Variants in RDM1 observed in about 807,000 individuals in gnomAD.
The protein encoded by RDM1 is RAD52 motif containing 1.
RDM1 carries 28 observed loss-of-function variants against 27.7 expected under a neutral mutation model. That is an observed-to-expected ratio of 1.01 (90% CI 0.75 to 1.39). The LOEUF (loss-of-function observed/expected upper bound fraction) is 1.39, where lower values mean the gene tolerates loss of function less well. Among genes scored for constraint, RDM1 ranks in the 40% most tolerant of loss-of-function variants. RDM1 has a pLI of 0.00. For missense variants in RDM1, 277 were observed against 337.3 expected (o/e 0.82, Z 1.40); for synonymous variants, 124 against 127.5 (o/e 0.97, Z 0.19).
chr17:35,925,925 G>A (rs1369627782), intron 2 of RDM1, among the ~76,000 whole-genome samples: 1 of 152,072 alleles, frequency 6.6e-6, no homozygotes, highest in African/African-American at 2.4e-5. Flanking sequence ...ACAAAGTCAG[G>A]ATATCGAGAC....
At chr17:35,922,219 C>A (rs1388657469) in intron 5 of RDM1, 1 of 193,060 alleles carries the variant, frequency 5.2e-6, no homozygotes, top group Non-Finnish European at 1.0e-5. Flanking sequence ...CCGCGCCCGG[C>A]CTAATTGCAT....
At position 35,925,504 on chromosome 17, in the gene RDM1, A is replaced by G. The variant is rs2089112382; in HGVS notation, c.399+11T>C. On this transcript the variant is annotated intron_variant, in intron 3 of 6. Transcript: ENST00000620284. ...GAGTGTGGTAAGTGAAAAAAAATCT[A>G]CAAGGTTTACCTTGATGATCCTTTT... 2 of 1,611,976 alleles carry G rather than the reference A, an allele frequency of 1.2e-6. No homozygotes were observed. The highest frequency in any genetic ancestry group is 3.3e-5 in the Admixed American group (2 of 59,836).
chr17:35,930,108 G>T lies in RDM1; in HGVS notation c.244C>A (p.Arg82=), dbSNP rs749830238. 1.2e-6 allele frequency: 2 copies of T among 1,613,932 alleles called. No individual in the cohort carries two copies. Among genetic ancestry groups the T allele is most frequent in the Non-Finnish European group, 1.7e-6 (2 of 1,179,918 alleles). ...AAHRAQKACD[R]KQLFQKSPVK... ...GGAGATTTCTGAAAAAGCTGCTTCC[G>T]GTCGCATGCCTTTTGGGCTCTGTGG... The change falls in exon 2 of 7, where the codon CGG becomes AGG. Residue 82 remains arginine (R), a synonymous_variant. Coordinates refer to ENST00000620284, the MANE Select transcript of RDM1 (RefSeq NM_145654.4).
intron 2 of RDM1, 80 bp from the exon 3 acceptor site, chr17:35,925,717 C>A: frequency 1.4e-6 from 2 of 1,476,418 alleles, no homozygotes; most frequent in South Asian, 1.3e-5. Context: ...TTTGTCAATA[C>A]CAAGTGTGCA....
At chr17:35,921,983 C>T (rs985456870) in intron 5 of RDM1, among the ~76,000 whole-genome samples, 44 of 147,492 alleles carry the variant, frequency 3.0e-4, no homozygotes, top group Non-Finnish European at 5.6e-4. Context: ...AGCAGTGGCA[C>T]GATCTTGGCT....
intron 3 of RDM1, among the ~76,000 whole-genome samples, 199 bp downstream of exon 3, chr17:35,925,316 A>T (rs551262559): frequency 1.3e-5 from 2 of 152,226 alleles, no homozygotes; most frequent in Non-Finnish European, 2.9e-5. Context: ...CAGTGGAGAA[A>T]ATTACGGATA....
At position 35,930,115 on chromosome 17, in the gene RDM1, T is replaced by C. The variant is rs200052108; in HGVS notation, c.237A>G (p.Ala79=). 2.6e-5 allele frequency: 42 copies of C among 1,614,142 alleles called. No individual in the cohort carries two copies. The East Asian group carries it at 9.1e-4, about 35-fold the overall frequency. ...SARAAHRAQK[A]CDRKQLFQKS... ...TCTGAAAAAGCTGCTTCCGGTCGCA[T>C]GCCTTTTGGGCTCTGTGGGCAGCCC... is the stretch of plus-strand genomic sequence containing the variant. The change falls in exon 2 of 7, where the codon GCA becomes GCG. Residue 79 remains alanine (A), a synonymous_variant. Coordinates refer to ENST00000620284, the MANE Select transcript of RDM1 (RefSeq NM_145654.4).
intron 2 of RDM1, among the ~76,000 whole-genome samples, chr17:35,928,817 T>G (rs2089235340): frequency 1.3e-5 from 2 of 151,230 alleles, no homozygotes; most frequent in South Asian, 4.2e-4. Context: ...GGCTCACACC[T>G]GTAGTCCCAG....
chr17:35,920,785 A>G (rs150666551), intron 5 of RDM1, among the ~76,000 whole-genome samples: 1 of 152,280 alleles, frequency 6.6e-6, no homozygotes, highest in East Asian at 1.9e-4. Context: ...TATGTATGAA[A>G]TATCAACCAT....
chr17:35,924,268 G>A (rs2089054769), intron 4 of RDM1, among the ~76,000 whole-genome samples: 1 of 151,306 alleles, frequency 6.6e-6, no homozygotes, highest in South Asian at 2.1e-4. Flanking sequence ...GGTTTTGCTG[G>A]GATAACCGAG....
chr17:35,923,443 G>T (rs1420310187), intron 4 of RDM1, among the ~76,000 whole-genome samples: 1 of 151,666 alleles, frequency 6.6e-6, no homozygotes, highest in African/African-American at 2.4e-5. Flanking sequence ...ATCACTTGAG[G>T]TCAGGAGTTT....
intron 2 of RDM1, among the ~76,000 whole-genome samples, chr17:35,927,322 C>G (rs1204101678): frequency 6.6e-6 from 1 of 151,990 alleles, no homozygotes; most frequent in Non-Finnish European, 1.5e-5. Flanking sequence ...CGCCTGTAAT[C>G]CCAGCTGCTC....
intron 2 of RDM1, among the ~76,000 whole-genome samples, chr17:35,927,773 C>G (rs1170552824): frequency 1.3e-5 from 2 of 151,986 alleles, no homozygotes; most frequent in Non-Finnish European, 2.9e-5. Context: ...GTGAAATTCT[C>G]AAAACCTAAA....
chr17:35,919,862 G>C (rs1237205772), intron 6 of RDM1, among the ~76,000 whole-genome samples: 1 of 152,168 alleles, frequency 6.6e-6, no homozygotes, highest in African/African-American at 2.4e-5. Context: ...ATATCTCTGG[G>C]ATTCTGTTTG....
In RDM1 at chr17:35,920,227, A is replaced by ATCTGACAT; in HGVS notation, c.712_713insATGTCAGA (p.Val238AspfsTer4). 6.2e-7 allele frequency: 1 copy of ATCTGACAT among 1,605,046 alleles called. No individual in the cohort carries two copies. ...TAGTTCTTCTTCGCATCTGACACCT[A>ATCTGACAT]CGATGTCTTCACTGGGTCTGTACTC... On this transcript the variant is annotated frameshift_variant, in exon 6 of 7. Transcript: ENST00000620284. LOFTEE classifies it low-confidence loss of function (END_TRUNC).
At chr17:35,922,076 A>T (rs2141930711) in intron 5 of RDM1, 1 of 152,394 alleles carries the variant, frequency 6.6e-6, no homozygotes, top group South Asian at 2.1e-4. Context: ...GCCCGCCACT[A>T]CGCCCAGCTA....
In RDM1 at chr17:35,922,693, A is replaced by C. The variant is rs201396893; in HGVS notation, c.569-18T>G. 5.1e-6 allele frequency: 8 copies of C among 1,569,792 alleles called. No individual in the cohort carries two copies. Among genetic ancestry groups the C allele is most frequent in the Middle Eastern group, 2.3e-4 (1 of 4,372 alleles). On this transcript the variant is annotated intron_variant, in intron 4 of 6. Transcript: ENST00000620284. Reference sequence around the variant, plus strand: ...TAATGGTCCTAAATCCAACCAAAACAAATGGATTTAAGGTGCCTATTTGAA... The same window carrying C: ...TAATGGTCCTAAATCCAACCAAAACCAATGGATTTAAGGTGCCTATTTGAA...
At chr17:35,924,470 C>T in intron 4 of RDM1, 134 bp downstream of exon 4, 1 of 908,870 alleles carries the variant, frequency 1.1e-6, no homozygotes. Context: ...AAAAACTCTG[C>T]CCAGGACTTC....
chr17:35,918,801 C>T (rs1366690979), intron 6 of RDM1, among the ~76,000 whole-genome samples: 1 of 152,166 alleles, frequency 6.6e-6, no homozygotes, highest in Non-Finnish European at 1.5e-5. Flanking sequence ...TCCTGAAATG[C>T]GACTATAACT....
Sources: allele counts gnomAD v4.1 joint callset (sites outside exome capture counted in the v4.1 genomes callset), GRCh38; gene constraint gnomAD v4.1.1; transcripts MANE v1.5; gene names NCBI Gene and HGNC (gene_info 2026-07-23, HGNC 2026-07-21).